Variants in TTC29 observed in about 807,000 individuals in gnomAD.
TTC29 encodes tetratricopeptide repeat protein 29.
A neutral mutation model predicts 58.1 loss-of-function variants in TTC29; 49 were observed. The ratio of observed to expected loss-of-function variants is 0.84; its 90% confidence interval spans 0.67 to 1.07. The LOEUF is 1.07. TTC29 is among the 50% of genes least tolerant of loss of function. The pLI is 0.00. For synonymous variants in TTC29, 209 were observed against 196.8 expected, an observed-to-expected ratio of 1.06 and a Z score of -0.52; for missense variants, 582 against 555.6, an observed-to-expected ratio of 1.05 and a Z score of -0.48.
At chr4:146,926,979 T>G (rs1338164675) in intron 4 of TTC29, among the ~76,000 whole-genome samples, 1 of 150,148 alleles carries the variant, frequency 6.7e-6, no homozygotes, top group Non-Finnish European at 1.5e-5. Flanking sequence ...CACCTGTAAT[T>G]CCACCTACTC....
At chr4:146,776,423 G>A (rs1748096355) in intron 11 of TTC29, among the ~76,000 whole-genome samples, 1 of 151,782 alleles carries the variant, frequency 6.6e-6, no homozygotes, top group African/African-American at 2.4e-5. Context: ...AATCTTTGAA[G>A]CTGCTGTCCT....
At chr4:146,910,546 C>G (rs1733829027) in intron 4 of TTC29, among the ~76,000 whole-genome samples, 1 of 151,936 alleles carries the variant, frequency 6.6e-6, no homozygotes, top group Non-Finnish European at 1.5e-5. Context: ...GAAAAAAAGG[C>G]AGGGACCAGA....
At chr4:146,922,203 A>G (rs1393114494) in intron 4 of TTC29, among the ~76,000 whole-genome samples, 1 of 151,328 alleles carries the variant, frequency 6.6e-6, no homozygotes, top group Non-Finnish European at 1.5e-5. Context: ...TGCATTTTCT[A>G]AAAAACAGGA....
intron 11 of TTC29, among the ~76,000 whole-genome samples, chr4:146,729,603 A>T (rs574209802): frequency 4.2e-4 from 64 of 152,276 alleles, no homozygotes; most frequent in African/African-American, 1.5e-3. Context: ...ATGGTGTATT[A>T]GTCTGTTTTC....
At chr4:146,718,276 T>C (rs1743088096) in intron 11 of TTC29, among the ~76,000 whole-genome samples, 1 of 152,174 alleles carries the variant, frequency 6.6e-6, no homozygotes, top group South Asian at 2.1e-4. Context: ...TTATTTTTAG[T>C]TTTTGAGAAA....
chr4:146,826,274 T>C (rs1196268578), intron 9 of TTC29, among the ~76,000 whole-genome samples: 3 of 152,204 alleles, frequency 2.0e-5, no homozygotes, highest in Non-Finnish European at 2.9e-5. Flanking sequence ...TATTTAGTGC[T>C]TCTTTCAGGG....
chr4:146,826,159 T>C (rs2150148356), intron 9 of TTC29, among the ~76,000 whole-genome samples: 1 of 152,322 alleles, frequency 6.6e-6, no homozygotes, highest in Admixed American at 6.5e-5. Context: ...ATCATAATGC[T>C]ATGTGGTTAT....
chr4:146,751,254 T>C (rs1185061477), intron 11 of TTC29, among the ~76,000 whole-genome samples: 1 of 152,152 alleles, frequency 6.6e-6, no homozygotes, highest in Non-Finnish European at 1.5e-5. Context: ...TAGATAGCAG[T>C]ACAATAATAG....
chr4:146,906,085 C>T (rs1256438888), intron 5 of TTC29, among the ~76,000 whole-genome samples: 2 of 152,022 alleles, frequency 1.3e-5, no homozygotes, highest in Non-Finnish European at 2.9e-5. Flanking sequence ...GTCATCTCTT[C>T]CCTAGCCCCA....
At chr4:146,742,966 A>T (rs1379937482) in intron 11 of TTC29, among the ~76,000 whole-genome samples, 1 of 152,148 alleles carries the variant, frequency 6.6e-6, no homozygotes, top group Non-Finnish European at 1.5e-5. Context: ...TGGAAAGAAA[A>T]ATCCTCAGAT....
chr4:146,847,160 G>A (rs779064465), intron 8 of TTC29, among the ~76,000 whole-genome samples: 7 of 152,312 alleles, frequency 4.6e-5, no homozygotes, highest in Non-Finnish European at 8.8e-5. Flanking sequence ...CTGGAAATGC[G>A]ATGCCTGCCA....
intron 6 of TTC29, among the ~76,000 whole-genome samples, chr4:146,895,915 TAA>T (rs974644970): frequency 2.6e-5 from 4 of 152,162 alleles, no homozygotes; most frequent in African/African-American, 9.6e-5. Flanking sequence ...AGTGTATTTA[TAA>T]AAGTTTCTCA....
chr4:146,937,646 C>T lies in TTC29; in HGVS notation c.124G>A (p.Asp42Asn), dbSNP rs1735956427. The change falls in exon 4 of 13, where the codon GAT becomes AAT. Residue 42 changes from aspartate (D) to asparagine (N), a missense_variant. Transcript: ENST00000325106. Reference protein sequence around the residue: ...SQLIKEKDDIDHYLEVNFKGL... With the variant: ...SQLIKEKDDINHYLEVNFKGL... ...TTGAAATTTACCTCTAGATAATGAT[C>T]TATGTCATCTTTTTCTTTGATCAAT... 6.5e-7 allele frequency: 1 copy of T among 1,537,946 alleles called. No individual in the cohort carries two copies.
At chr4:146,803,371 A>G (rs1193017116) in intron 11 of TTC29, 86 bp downstream of exon 11, 7 of 977,346 alleles carry the variant, frequency 7.2e-6, no homozygotes, top group South Asian at 3.5e-5. Flanking sequence ...AAAATCACCG[A>G]CATTTGAGTG....
chr4:146,932,792 C>G (rs1735441952), intron 4 of TTC29, among the ~76,000 whole-genome samples: 1 of 152,034 alleles, frequency 6.6e-6, no homozygotes, highest in Admixed American at 6.6e-5. Flanking sequence ...CGCGGTGGTT[C>G]ACGCCTGTAG....
chr4:146,761,335 A>C (rs1746882782), intron 11 of TTC29, among the ~76,000 whole-genome samples: 1 of 151,964 alleles, frequency 6.6e-6, no homozygotes, highest in African/African-American at 2.4e-5. Context: ...CAGTTTAGGA[A>C]GTAACCCTGA....
At chr4:146,856,345 C>T (rs572125999) in intron 8 of TTC29, among the ~76,000 whole-genome samples, 2 of 151,844 alleles carry the variant, frequency 1.3e-5, no homozygotes, top group Non-Finnish European at 2.9e-5. Flanking sequence ...AGTTTTGGCC[C>T]AAGTGGTATT....
intron 11 of TTC29, among the ~76,000 whole-genome samples, chr4:146,749,070 T>A (rs1028977447): frequency 6.6e-6 from 1 of 151,732 alleles, no homozygotes; most frequent in African/African-American, 2.4e-5. Flanking sequence ...GTAATCCCAG[T>A]GTTTTGGGAG....
chr4:146,821,573 CAT>C (rs1194329506), intron 9 of TTC29, among the ~76,000 whole-genome samples: 3 of 152,246 alleles, frequency 2.0e-5, no homozygotes, highest in East Asian at 1.9e-4. Context: ...TTCAGGAAGA[CAT>C]ATAATTTCTA....
Sources: gnomAD v4.1 joint callset for allele counts (sites outside exome capture counted in the v4.1 genomes callset) on GRCh38, gnomAD v4.1.1 for gene constraint, MANE v1.5 for transcripts, NCBI Gene and HGNC (gene_info 2026-07-23, HGNC 2026-07-21) for gene names.